The following IL10RB variants were observed in gnomAD, a reference collection of about 807,000 sequenced individuals.
IL10RB encodes interleukin-10 receptor subunit beta.
A neutral mutation model predicts 38.7 loss-of-function variants in IL10RB; 30 were observed. The observed-to-expected ratio is 0.78, with a 90% CI of 0.58 to 1.05. The LOEUF (loss-of-function observed/expected upper bound fraction) is 1.05, where lower values mean the gene tolerates loss of function less well. Among genes scored for constraint, IL10RB ranks in the 50% least tolerant of loss-of-function variants. The pLI, the probability that IL10RB is intolerant of heterozygous loss-of-function variation, is 0.00. For synonymous variants in IL10RB, 142 were observed against 145.9 expected, an observed-to-expected ratio of 0.97 and a Z score of 0.19; for missense variants, 328 against 397.1, an observed-to-expected ratio of 0.83 and a Z score of 1.48.
intron 4 of IL10RB, 143 bp downstream of exon 4, chr21:33,280,061 G>C (rs1269629128): frequency 1.3e-6 from 1 of 768,872 alleles, no homozygotes; most frequent in Non-Finnish European, 2.3e-6. Flanking sequence ...TCTGGCTCAA[G>C]CTTCCCAGAC....
At chr21:33,267,310 C>T (rs1306515766) in intron 1 of IL10RB, among the ~76,000 whole-genome samples, 1 of 151,872 alleles carries the variant, frequency 6.6e-6, no homozygotes. Context: ...TGGCACTGTT[C>T]CTTTGGGGGA....
At chr21:33,307,950 T>G (rs949220161) in intron 1 of IL10RB, among the ~76,000 whole-genome samples, 1 of 152,246 alleles carries the variant, frequency 6.6e-6, no homozygotes, top group African/African-American at 2.4e-5. Context: ...TGGTGCTTAA[T>G]AGATGGCTCA....
chr21:33,293,184 G>A (rs1447704058), intron 6 of IL10RB, among the ~76,000 whole-genome samples: 2 of 152,210 alleles, frequency 1.3e-5, no homozygotes, highest in Non-Finnish European at 2.9e-5. Context: ...TGCAGTGTGT[G>A]TGCCTCACCA....
chr21:33,309,303 T>A (rs991648014), exon 2 of IL10RB: 7 of 152,224 alleles, frequency 4.6e-5, no homozygotes, highest in Non-Finnish European at 7.4e-5. Context: ...ACTCAGTCCC[T>A]ACTTGGGTTG....
chr21:33,304,211 T>C (rs939684824), intron 1 of IL10RB, among the ~76,000 whole-genome samples: 4 of 152,164 alleles, frequency 2.6e-5, no homozygotes, highest in Non-Finnish European at 5.9e-5. Flanking sequence ...GGAAGGGGGC[T>C]GAAGAAGAGC....
intron 1 of IL10RB, among the ~76,000 whole-genome samples, chr21:33,302,254 C>G (rs2082987734): frequency 1.3e-5 from 2 of 152,254 alleles, no homozygotes; most frequent in Non-Finnish European, 1.5e-5. Context: ...TTCAGCGATT[C>G]CCTGCTCCTC....
chr21:33,302,091 A>T (rs768004719), downstream of IL10RB, among the ~76,000 whole-genome samples: 1 of 152,230 alleles, frequency 6.6e-6, no homozygotes, highest in African/African-American at 2.4e-5. Flanking sequence ...GCACACTTGC[A>T]TGAAGCAAGC....
intron 1 of IL10RB, 175 bp from the exon 2 acceptor site, chr21:33,268,219 C>G: frequency 1.3e-6 from 2 of 1,517,662 alleles, no homozygotes; most frequent in Non-Finnish European, 1.8e-6. Context: ...CTCCTCACGG[C>G]TGTTCAAAGA....
chr21:33,283,029 G>GAA (rs373396776), intron 4 of IL10RB, 65 bp from the exon 5 acceptor site: 216 of 1,046,520 alleles, frequency 2.1e-4, no homozygotes, highest in African/African-American at 4.6e-4. Context: ...TGATAAATGT[G>GAA]AAAAAAAAAA....
intron 1 of IL10RB, chr21:33,308,085 A>G (rs1019679361): frequency 6.6e-6 from 1 of 152,224 alleles, no homozygotes; most frequent in Non-Finnish European, 1.5e-5. Flanking sequence ...TGATAGCTGC[A>G]TTGCCTTCCA....
chr21:33,272,234 T>G (rs1489667476), intron 2 of IL10RB, among the ~76,000 whole-genome samples: 1 of 152,130 alleles, frequency 6.6e-6, no homozygotes, highest in Non-Finnish European at 1.5e-5. Flanking sequence ...GACTATGAAG[T>G]CAAACAGATC....
In IL10RB at chr21:33,276,761, A is replaced by G. The variant is rs1193295812; in HGVS notation, c.331+8A>G. The G allele has an allele frequency of 1.2e-6, 2 of 1,612,874 alleles. No homozygotes were observed. Among genetic ancestry groups the G allele is most frequent in the South Asian group, 2.2e-5 (2 of 91,006 alleles). On this transcript the variant is annotated splice_region_variant and intron_variant, in intron 3 of 6. Coordinates refer to ENST00000290200, the MANE Select transcript of IL10RB (RefSeq NM_000628.5). ...TCTGTCCTGTGGATGACAGTAAGCC[A>G]TTTTGTTTTCCCTTTTTTTGTAATG...
intron 1 of IL10RB, among the ~76,000 whole-genome samples, chr21:33,306,562 T>G (rs1160916799): frequency 6.6e-6 from 1 of 152,142 alleles, no homozygotes; most frequent in African/African-American, 2.4e-5. Context: ...CATTGGGTTT[T>G]TGGGGGGTGG....
chr21:33,282,513 C>G (rs150054617), intron 4 of IL10RB, among the ~76,000 whole-genome samples: 2 of 152,026 alleles, frequency 1.3e-5, no homozygotes, highest in African/African-American at 2.4e-5. Flanking sequence ...CCAGCCTGGA[C>G]GACAAGAGTG....
chr21:33,293,215 G>A lies in IL10RB; in HGVS notation c.805-2969G>A, dbSNP rs559017907. ...CACCAATGCCTTGCCACTTCTTGGC[G>A]TGTCTGGTCCTATTAATGTATTGTT... On this transcript the variant is annotated intron_variant, in intron 6 of 6. Coordinates refer to ENST00000290200, the MANE Select transcript of IL10RB (RefSeq NM_000628.5). Among the ~76,000 whole-genome samples, 17 of 152,308 alleles carry A rather than the reference G, an allele frequency of 1.1e-4. No homozygotes were observed. The East Asian group carries it at 1.2e-3, about 10-fold the overall frequency.
intron 4 of IL10RB, among the ~76,000 whole-genome samples, chr21:33,282,270 CA>C (rs898849973): frequency 1.6e-4 from 24 of 152,272 alleles, no homozygotes; most frequent in African/African-American, 5.8e-4. Context: ...TGGTGGCTCA[CA>C]CCTGTAATCC....
chr21:33,281,761 A>T (rs1352677449), intron 4 of IL10RB, among the ~76,000 whole-genome samples: 1 of 152,122 alleles, frequency 6.6e-6, no homozygotes, highest in Non-Finnish European at 1.5e-5. Flanking sequence ...TTTTCTATCA[A>T]TACAGGCTTA....
chr21:33,272,917 C>CT (rs2123568261), intron 2 of IL10RB, among the ~76,000 whole-genome samples: 1 of 152,328 alleles, frequency 6.6e-6, no homozygotes. Flanking sequence ...GTCATGTTCC[C>CT]TTTAGCGGTT....
At chr21:33,294,408 T>C (rs896138785) in intron 6 of IL10RB, among the ~76,000 whole-genome samples, 1 of 151,532 alleles carries the variant, frequency 6.6e-6, no homozygotes, top group Non-Finnish European at 1.5e-5. Context: ...TGTGTGTGTG[T>C]CCAACCGGGA....
Sources: allele counts gnomAD v4.1 joint callset (sites outside exome capture counted in the v4.1 genomes callset), GRCh38; gene constraint gnomAD v4.1.1; transcripts MANE v1.5; gene names NCBI Gene and HGNC (gene_info 2026-07-23, HGNC 2026-07-21).